The following LYPLAL1 variants were observed in gnomAD, a reference collection of about 807,000 sequenced individuals.
LYPLAL1 encodes the protein lysophospholipase-like protein 1.
Under a neutral mutation model 19.7 loss-of-function variants are expected in LYPLAL1, and 23 were observed. The ratio of observed to expected loss-of-function variants is 1.17; its 90% CI spans 0.84 to 1.65. LYPLAL1 has a LOEUF of 1.65. LYPLAL1 is among the 40% of genes most tolerant of loss of function. The probability of loss-of-function intolerance (pLI) is 0.00; values close to 1 mark genes in which losing one functional copy is unlikely to be tolerated. For missense variants in LYPLAL1, 355 were observed against 279.4 expected (o/e 1.27, Z -1.93); for synonymous variants, 119 against 96.3 (o/e 1.24, Z -1.38).
At chr1:219,388,510 G>A in the LYPLAL1 span, among the ~76,000 whole-genome samples, 1 of 152,116 alleles carries the variant, frequency 6.6e-6, no homozygotes, top group African/African-American at 2.4e-5. Flanking sequence ...TAAAAAGAGA[G>A]AGAGGACTGT....
chr1:219,197,444 G>A (rs1383616481), intron 3 of LYPLAL1, among the ~76,000 whole-genome samples: 1 of 152,102 alleles, frequency 6.6e-6, no homozygotes, highest in Non-Finnish European at 1.5e-5. Context: ...ATTGAAACTG[G>A]ACCCCTTACT....
chr1:219,311,539 T>TG, the LYPLAL1 span, among the ~76,000 whole-genome samples: 1 of 151,672 alleles, frequency 6.6e-6, no homozygotes, highest in Non-Finnish European at 1.5e-5. Context: ...TAGGTGTTTT[T>TG]TTTTTTTTTA....
the LYPLAL1 span, among the ~76,000 whole-genome samples, chr1:219,325,185 T>C: frequency 6.6e-6 from 1 of 152,204 alleles, no homozygotes. Flanking sequence ...TGCGTGTAAA[T>C]GATTATGTCA....
At chr1:219,402,575 A>T in the LYPLAL1 span, among the ~76,000 whole-genome samples, 15,752 of 150,828 alleles carry the variant, frequency 0.1, 822 homozygotes, top group African/African-American at 0.12. Flanking sequence ...TTCTACTAAT[A>T]TACTTTTAAA....
At chr1:219,204,621 A>C (rs1275454571) in intron 3 of LYPLAL1, among the ~76,000 whole-genome samples, 1 of 152,186 alleles carries the variant, frequency 6.6e-6, no homozygotes, top group Non-Finnish European at 1.5e-5. Context: ...TTTTCTATTT[A>C]GGTAATGTTT....
intron 2 of LYPLAL1, among the ~76,000 whole-genome samples, chr1:219,186,891 C>G (rs1656765233): frequency 6.6e-6 from 1 of 151,714 alleles, no homozygotes; most frequent in African/African-American, 2.4e-5. Context: ...AGGTCTACTG[C>G]TTTTCATTCC....
chr1:219,209,691 TTC>T (rs1354269217), intron 3 of LYPLAL1, among the ~76,000 whole-genome samples: 1 of 152,116 alleles, frequency 6.6e-6, no homozygotes, highest in African/African-American at 2.4e-5. Flanking sequence ...TCATTTAGCT[TTC>T]TCTCAAGCTT....
chr1:219,256,052 C>T, the LYPLAL1 span, among the ~76,000 whole-genome samples: 1 of 151,420 alleles, frequency 6.6e-6, no homozygotes, highest in Non-Finnish European at 1.5e-5. Context: ...ATATTCTCAT[C>T]AGATTTTTCT....
intron 1 of LYPLAL1, among the ~76,000 whole-genome samples, chr1:219,176,720 G>T (rs900787507): frequency 2.0e-5 from 3 of 152,170 alleles, no homozygotes; most frequent in African/African-American, 7.2e-5. Context: ...ATACCCATTT[G>T]TGTCACTGGT....
the LYPLAL1 span, among the ~76,000 whole-genome samples, chr1:219,233,119 G>A: frequency 6.6e-6 from 1 of 152,194 alleles, no homozygotes; most frequent in East Asian, 1.9e-4. Context: ...CAACCCAAAT[G>A]TCCATCAATA....
chr1:219,436,415 C>CT, the LYPLAL1 span, among the ~76,000 whole-genome samples: 1 of 151,964 alleles, frequency 6.6e-6, no homozygotes, highest in Non-Finnish European at 1.5e-5. Flanking sequence ...AAAGTTCATT[C>CT]TTTTTTTTCT....
chr1:219,277,481 C>T, the LYPLAL1 span, among the ~76,000 whole-genome samples: 1 of 151,998 alleles, frequency 6.6e-6, no homozygotes, highest in African/African-American at 2.4e-5. Context: ...TAAACATGGG[C>T]CTTGTTCCAT....
downstream of LYPLAL1, among the ~76,000 whole-genome samples, chr1:219,217,123 T>C (rs1033258166): frequency 6.6e-6 from 1 of 152,184 alleles, no homozygotes; most frequent in Non-Finnish European, 1.5e-5. Context: ...CTTTGAAATA[T>C]TGAATGTTTT....
chr1:219,357,469 G>C, the LYPLAL1 span, among the ~76,000 whole-genome samples: 1 of 152,132 alleles, frequency 6.6e-6, no homozygotes, highest in African/African-American at 2.4e-5. Flanking sequence ...ACATCATTAA[G>C]GAAATTAAAA....
At chr1:219,232,674 A>G in the LYPLAL1 span, among the ~76,000 whole-genome samples, 4 of 152,202 alleles carry the variant, frequency 2.6e-5, no homozygotes, top group Admixed American at 1.3e-4. Context: ...AAGATCTCCT[A>G]CAACTCAACT....
At chr1:219,438,726 A>C in the LYPLAL1 span, among the ~76,000 whole-genome samples, 1 of 152,216 alleles carries the variant, frequency 6.6e-6, no homozygotes, top group Admixed American at 6.5e-5. Context: ...CAACAGCAAA[A>C]GATCACAAGG....
At chr1:219,322,536 G>T in the LYPLAL1 span, among the ~76,000 whole-genome samples, 2 of 151,710 alleles carry the variant, frequency 1.3e-5, no homozygotes, top group Admixed American at 6.6e-5. Context: ...TTCTTTCTTG[G>T]GAACTATTGT....
At chr1:219,410,652 G>A in the LYPLAL1 span, among the ~76,000 whole-genome samples, 15,525 of 152,290 alleles carry the variant, frequency 0.1, 781 homozygotes, top group African/African-American at 0.12. Flanking sequence ...GGTGTGGAGG[G>A]AGAGGCAAGA....
the LYPLAL1 span, among the ~76,000 whole-genome samples, chr1:219,255,131 A>T: frequency 6.6e-6 from 1 of 151,830 alleles, no homozygotes; most frequent in Non-Finnish European, 1.5e-5. Flanking sequence ...TATTGGAATC[A>T]GCAGGTATAT....
Sources: gnomAD v4.1 joint callset for allele counts (sites outside exome capture counted in the v4.1 genomes callset) on GRCh38, gnomAD v4.1.1 for gene constraint, MANE v1.5 for transcripts, NCBI Gene and HGNC (gene_info 2026-07-23, HGNC 2026-07-21) for gene names.